AGMO: variants seen among roughly 807,000 people sequenced by gnomAD.
AGMO encodes the protein glyceryl-ether monooxygenase.
Under a neutral mutation model 60.2 loss-of-function variants are expected in AGMO, and 75 were observed. The ratio of observed to expected loss-of-function variants is 1.25; its 90% CI spans 1.03 to 1.51. The LOEUF (loss-of-function observed/expected upper bound fraction) is 1.51, where lower values mean the gene tolerates loss of function less well. Ranked by LOEUF, AGMO falls within the 40% of genes most tolerant of loss-of-function variation. AGMO has a pLI of 0.00. For synonymous variants in AGMO, 261 were observed against 177.1 expected, an observed-to-expected ratio of 1.47 and a Z score of -3.76; for missense variants, 763 against 525.5, an observed-to-expected ratio of 1.45 and a Z score of -4.42.
chr7:15,177,025 C>G, the AGMO span, among the ~76,000 whole-genome samples: 2 of 151,914 alleles, frequency 1.3e-5, no homozygotes, highest in Non-Finnish European at 2.9e-5. Flanking sequence ...AAATAAATGT[C>G]TTGTGAAGAT....
intron 4 of AGMO, among the ~76,000 whole-genome samples, chr7:15,420,611 A>G (rs188475053): frequency 1.6e-4 from 24 of 152,310 alleles, no homozygotes; most frequent in African/African-American, 4.6e-4. Flanking sequence ...AATGTGGTCC[A>G]GGTAGGAGAA....
chr7:15,387,970 C>T (rs1020853656), intron 8 of AGMO, among the ~76,000 whole-genome samples: 3 of 147,426 alleles, frequency 2.0e-5, no homozygotes, highest in East Asian at 4.0e-4. Context: ...TGCAGTGGAG[C>T]GGCTTTGGCT....
intron 3 of AGMO, among the ~76,000 whole-genome samples, chr7:15,458,000 G>A (rs1782042908): frequency 6.6e-6 from 1 of 152,148 alleles, no homozygotes; most frequent in African/African-American, 2.4e-5. Flanking sequence ...AAGCAAAAAA[G>A]AGATTATTTA....
intron 3 of AGMO, among the ~76,000 whole-genome samples, chr7:15,462,396 C>T (rs901674893): frequency 9.2e-5 from 14 of 152,048 alleles, no homozygotes; most frequent in African/African-American, 3.4e-4. Context: ...TATTATTTTG[C>T]TGGAAAATCA....
At chr7:15,141,240 GT>G in the AGMO span, among the ~76,000 whole-genome samples, 1 of 152,012 alleles carries the variant, frequency 6.6e-6, no homozygotes, top group Non-Finnish European at 1.5e-5. Flanking sequence ...GTGGTTTATG[GT>G]TTTGTCTTCT....
chr7:15,416,337 A>G (rs1303077303), intron 5 of AGMO, among the ~76,000 whole-genome samples: 1 of 152,046 alleles, frequency 6.6e-6, no homozygotes, highest in Non-Finnish European at 1.5e-5. Context: ...CCAGGTCTAG[A>G]CTTTGTTTAT....
intron 12 of AGMO, among the ~76,000 whole-genome samples, chr7:15,339,518 G>T (rs911799759): frequency 6.6e-6 from 1 of 152,156 alleles, no homozygotes; most frequent in Non-Finnish European, 1.5e-5. Flanking sequence ...AGAAGAGTCT[G>T]CTCCAAACTT....
chr7:15,390,449 C>T (rs911900446), intron 8 of AGMO, among the ~76,000 whole-genome samples: 2 of 152,080 alleles, frequency 1.3e-5, no homozygotes, highest in African/African-American at 2.4e-5. Context: ...TCATTCTAGG[C>T]CATAGACATA....
intron 12 of AGMO, among the ~76,000 whole-genome samples, chr7:15,364,537 G>T (rs750060830): frequency 2.6e-5 from 4 of 151,934 alleles, no homozygotes; most frequent in South Asian, 2.1e-4. Flanking sequence ...CCTTTAAGTT[G>T]TTGCTAATCT....
Position 15,493,058 on chromosome 7 carries a change from G to C in AGMO, c.409+51714C>G, listed in dbSNP as rs191266392. ...TAGAATAGATTCCTAAGAGTGGAAG[G>C]GTTGTTTCAAACTTCATGTGTAAAC... On this transcript the variant is annotated intron_variant, in intron 3 of 12. Transcript: ENST00000342526. 3.6e-3 allele frequency among the ~76,000 whole-genome samples: 542 copies of C among 152,086 alleles called. 2 individuals are homozygous for C. The highest frequency in any genetic ancestry group is 0.013 in the African/African-American group (523 of 41,456).
chr7:15,489,240 C>T (rs1019453263), intron 3 of AGMO, among the ~76,000 whole-genome samples: 1 of 152,086 alleles, frequency 6.6e-6, no homozygotes, highest in Non-Finnish European at 1.5e-5. Context: ...TTTGTAGAAT[C>T]ATGAAGAGCC....
At chr7:15,169,578 A>G in the AGMO span, among the ~76,000 whole-genome samples, 1 of 151,978 alleles carries the variant, frequency 6.6e-6, no homozygotes, top group African/African-American at 2.4e-5. Flanking sequence ...CTGGGATTAC[A>G]CGCATCCACC....
In AGMO at chr7:15,365,380, T is replaced by TAAAAAAAA. The variant is rs60202363; in HGVS notation, c.1263+126_1263+133dup. 2.7e-4 allele frequency: 60 copies of TAAAAAAAA among 223,948 alleles called. 2 individuals are homozygous for TAAAAAAAA. Among genetic ancestry groups the TAAAAAAAA allele is most frequent in the East Asian group, 4.2e-4 (6 of 14,208 alleles). 13.9% of individuals were successfully genotyped at this position (223,948 alleles called of 1,614,324 possible). The stretch of plus-strand genomic sequence containing the variant: ...GACACAACTAACAAGTACTGGTAAG[T>TAAAAAAAA]AAAAAAAAAAAAAAAGATCAAGATT... On this transcript the variant is annotated intron_variant, in intron 12 of 12. Transcript: ENST00000342526.
chr7:15,359,813 T>TA (rs572318601), intron 12 of AGMO, among the ~76,000 whole-genome samples: 144 of 152,308 alleles, frequency 9.5e-4, no homozygotes, highest in Non-Finnish European at 1.6e-3. Flanking sequence ...TATGAAATCA[T>TA]AAAATACAAA....
intron 12 of AGMO, among the ~76,000 whole-genome samples, chr7:15,319,231 T>C (rs1267744602): frequency 3.3e-5 from 5 of 152,128 alleles, no homozygotes; most frequent in Non-Finnish European, 7.4e-5. Flanking sequence ...TTTTAAAATA[T>C]GGTTGAGGGA....
chr7:15,131,479 T>C, the AGMO span, among the ~76,000 whole-genome samples: 1 of 152,068 alleles, frequency 6.6e-6, no homozygotes, highest in East Asian at 1.9e-4. Context: ...AGGGAAATAA[T>C]GGCGTGGACA....
At chr7:15,523,163 G>A (rs1784046468) in intron 3 of AGMO, among the ~76,000 whole-genome samples, 1 of 152,146 alleles carries the variant, frequency 6.6e-6, no homozygotes. Context: ...ACACCAGTTA[G>A]AATGGCAATC....
chr7:15,212,583 A>G (rs898902247), intron 12 of AGMO, among the ~76,000 whole-genome samples: 2 of 151,998 alleles, frequency 1.3e-5, no homozygotes, highest in Non-Finnish European at 2.9e-5. Context: ...TCCCAGGACT[A>G]TATTACATTT....
intron 12 of AGMO, among the ~76,000 whole-genome samples, chr7:15,339,406 CTTTAA>C (rs1393993674): frequency 4.6e-5 from 7 of 152,120 alleles, no homozygotes; most frequent in South Asian, 2.1e-4. Context: ...GATAAGTACA[CTTTAA>C]TTTAAATACT....
Sources: allele counts gnomAD v4.1 joint callset (sites outside exome capture counted in the v4.1 genomes callset), GRCh38; gene constraint gnomAD v4.1.1; transcripts MANE v1.5; gene names NCBI Gene and HGNC (gene_info 2026-07-23, HGNC 2026-07-21).